MAF: variants seen among roughly 807,000 people sequenced by gnomAD.
MAF encodes the protein MAF bZIP transcription factor, also known as transcription factor Maf.
MAF carries 10 observed loss-of-function variants against 22.0 expected under a neutral mutation model. The observed-to-expected ratio is 0.45, with a 90% CI of 0.28 to 0.77. The LOEUF (loss-of-function observed/expected upper bound fraction) is 0.77, where lower values mean the gene tolerates loss of function less well. Ranked by LOEUF, MAF falls within the 30% of genes least tolerant of loss-of-function variation. The pLI is 0.12. For synonymous variants in MAF, 337 were observed against 255.8 expected, an observed-to-expected ratio of 1.32 and a Z score of -3.03; for missense variants, 544 against 548.4, an observed-to-expected ratio of 0.99 and a Z score of 0.08.
At chr16:79,596,270 T>C (rs1323452524) in intron 1 of MAF, 1 of 1,059,724 alleles carries the variant, frequency 9.4e-7, no homozygotes, top group Non-Finnish European at 1.1e-6. Flanking sequence ...GAGAAAAAAA[T>C]GAGGTCATAA....
At chr16:79,215,654 G>C in the MAF span, among the ~76,000 whole-genome samples, 1 of 152,108 alleles carries the variant, frequency 6.6e-6, no homozygotes, top group Admixed American at 6.5e-5. Context: ...TGTAAGGGTA[G>C]CTGAGGATTC....
the MAF span, among the ~76,000 whole-genome samples, chr16:79,506,310 G>C: frequency 2.6e-5 from 4 of 152,194 alleles, no homozygotes; most frequent in Non-Finnish European, 5.9e-5. Context: ...GCTCGGCAAA[G>C]TCCAAGGCCT....
downstream of MAF, among the ~76,000 whole-genome samples, chr16:79,591,119 C>G (rs1268350419): frequency 1.3e-5 from 2 of 152,150 alleles, no homozygotes; most frequent in East Asian, 3.9e-4. Flanking sequence ...ATCGCTTCTC[C>G]TGTTCCCTAA....
At chr16:79,421,549 G>A in the MAF span, among the ~76,000 whole-genome samples, 3 of 152,094 alleles carry the variant, frequency 2.0e-5, no homozygotes, top group Non-Finnish European at 2.9e-5. Flanking sequence ...TTTACAGATC[G>A]GAAGACAGAA....
the MAF span, among the ~76,000 whole-genome samples, chr16:79,305,834 C>T: frequency 6.6e-6 from 1 of 152,170 alleles, no homozygotes; most frequent in East Asian, 1.9e-4. Context: ...AAGGGAGAAT[C>T]ACGTTGCCAG....
chr16:79,435,246 GCA>G, the MAF span, among the ~76,000 whole-genome samples: 13,955 of 149,982 alleles, frequency 0.093, 1,699 homozygotes, highest in African/African-American at 0.27. Flanking sequence ...CTGCGACTGT[GCA>G]CACACACACA....
At chr16:79,478,928 G>C in the MAF span, among the ~76,000 whole-genome samples, 1 of 151,672 alleles carries the variant, frequency 6.6e-6, no homozygotes, top group Non-Finnish European at 1.5e-5. Context: ...TAGTGCACCT[G>C]TGTACCACCC....
the MAF span, among the ~76,000 whole-genome samples, chr16:79,296,922 G>A: frequency 1.1e-4 from 17 of 152,108 alleles, no homozygotes; most frequent in Admixed American, 2.0e-4. Flanking sequence ...CCTCTGTGCG[G>A]GCACAAAACT....
the MAF span, among the ~76,000 whole-genome samples, chr16:79,579,598 T>C: frequency 6.6e-6 from 1 of 152,024 alleles, no homozygotes; most frequent in Non-Finnish European, 1.5e-5. Flanking sequence ...AAAGAAACAA[T>C]AAAAGGAACC....
the MAF span, among the ~76,000 whole-genome samples, chr16:79,436,169 G>C: frequency 6.6e-6 from 1 of 152,124 alleles, no homozygotes; most frequent in Non-Finnish European, 1.5e-5. Flanking sequence ...TGCAACCTCT[G>C]CCTCCCAAGT....
chr16:79,411,014 T>A, the MAF span, among the ~76,000 whole-genome samples: 1 of 152,200 alleles, frequency 6.6e-6, no homozygotes, highest in Non-Finnish European at 1.5e-5. Context: ...CCCTCACTAG[T>A]TCCATCCATT....
At chr16:79,454,318 G>C in the MAF span, among the ~76,000 whole-genome samples, 1 of 152,138 alleles carries the variant, frequency 6.6e-6, no homozygotes, top group Non-Finnish European at 1.5e-5. Flanking sequence ...CAGGGTGAAA[G>C]GACAGTGAAG....
chr16:79,274,188 C>G, the MAF span, among the ~76,000 whole-genome samples: 2 of 151,662 alleles, frequency 1.3e-5, no homozygotes, highest in Non-Finnish European at 2.9e-5. Context: ...CCCCTGACCT[C>G]AGGTGATCCA....
the MAF span, among the ~76,000 whole-genome samples, chr16:79,513,508 C>G: frequency 3.9e-5 from 6 of 152,146 alleles, no homozygotes; most frequent in Admixed American, 3.9e-4. Context: ...AGTAACTGTG[C>G]AGTTGAAGGC....
the MAF span, chr16:79,211,631 G>A: frequency 3.1e-6 from 5 of 1,614,178 alleles, no homozygotes; most frequent in African/African-American, 1.3e-5. Flanking sequence ...CCACCACCGT[G>A]TACTGTGCTG....
At chr16:79,408,441 G>A in the MAF span, among the ~76,000 whole-genome samples, 6 of 152,242 alleles carry the variant, frequency 3.9e-5, no homozygotes, top group South Asian at 1.0e-3. Flanking sequence ...CTCCCAAAGC[G>A]CTGGGATTAC....
At chr16:79,304,415 T>C in the MAF span, among the ~76,000 whole-genome samples, 1 of 152,266 alleles carries the variant, frequency 6.6e-6, no homozygotes. Flanking sequence ...CTCTGGTTTT[T>C]AATCTTCCCA....
At chr16:79,253,818 T>C in the MAF span, among the ~76,000 whole-genome samples, 1 of 152,130 alleles carries the variant, frequency 6.6e-6, no homozygotes, top group Non-Finnish European at 1.5e-5. Flanking sequence ...AGGCTCGTTT[T>C]AGTTATTTTG....
the MAF span, among the ~76,000 whole-genome samples, chr16:79,442,734 T>C: frequency 6.6e-6 from 1 of 152,198 alleles, no homozygotes; most frequent in African/African-American, 2.4e-5. Flanking sequence ...TATAAGAAAT[T>C]CCATCTCCCA....
Sources: gnomAD v4.1 joint callset for allele counts (sites outside exome capture counted in the v4.1 genomes callset) on GRCh38, gnomAD v4.1.1 for gene constraint, MANE v1.5 for transcripts, NCBI Gene and HGNC (gene_info 2026-07-23, HGNC 2026-07-21) for gene names.